STAB2: variants seen among roughly 807,000 people sequenced by gnomAD.
STAB2 encodes stabilin 2.
A neutral mutation model predicts 338.1 loss-of-function variants in STAB2; 288 were observed. The ratio of observed to expected loss-of-function variants is 0.85; its 90% confidence interval spans 0.77 to 0.94. STAB2 has a LOEUF of 0.94. STAB2 is among the 40% of genes least tolerant of loss of function. The probability of loss-of-function intolerance (pLI) is 0.00; values close to 1 mark genes in which losing one functional copy is unlikely to be tolerated. For synonymous variants in STAB2, 1,202 were observed against 1,193.3 expected (o/e 1.01, Z -0.15); for missense variants, 3,141 against 3,210.1 (o/e 0.98, Z 0.52).
rs139947649 is a variant in STAB2 at position 103,688,742 on chromosome 12, C to G, written c.3045+527C>G. Among the ~76,000 whole-genome samples the G allele has an allele frequency of 4.4e-3, 674 of 152,290 alleles. 4 individuals are homozygous for G. The highest frequency in any genetic ancestry group is 4.6e-3 in the Non-Finnish European group (316 of 68,032). On this transcript the variant is annotated intron_variant, in intron 28 of 68. Transcript: ENST00000388887. ...TTCTGTATGGGGCCTCTCTGAACCC[C>G]CCATCCCAGCATAGGTGAAAGAAGA...
At position 103,620,542 on chromosome 12, in the gene STAB2, T is replaced by C. The variant is rs1347250890; in HGVS notation, c.406T>C (p.Cys136Arg). The C allele has an allele frequency of 6.4e-7, 1 of 1,567,168 alleles. No individual in the cohort carries two copies. The highest frequency in any genetic ancestry group is 1.4e-5 in the African/African-American group (1 of 73,780). Residue 136 changes from cysteine (C) to arginine (R), a missense_variant, in exon 4 of 69, where the codon TGC becomes CGC. Cys to Arg is a radical substitution (Grantham distance 180). Coordinates refer to ENST00000388887, the MANE Select transcript of STAB2 (RefSeq NM_017564.10). ...TGAAGGCATGGAAGGAAATGGAACC[T>C]GCTCCTGCCAAGTAAGTTCAAAAAT... ...CAEGMEGNGT[C>R]SCQEGFGGTA...
intron 3 of STAB2, among the ~76,000 whole-genome samples, chr12:103,613,264 G>A (rs1372295375): frequency 6.6e-6 from 1 of 152,300 alleles, no homozygotes; most frequent in South Asian, 2.1e-4. Context: ...CCTTTTGTTT[G>A]GCTATGCCCT....
chr12:103,654,593 G>C lies in STAB2; in HGVS notation c.1446G>C (p.Lys482Asn). 6.2e-7 allele frequency: 1 copy of C among 1,614,148 alleles called. No individual in the cohort carries two copies. Among genetic ancestry groups the C allele is most frequent in the Non-Finnish European group, 8.5e-7 (1 of 1,180,000 alleles). ...QIKLKLHGGK[K>N]KVKIIQGDII... ...AGCTTAAACTCCATGGAGGCAAAAAGAAGGTAAAAATTATACAAGGGGACA... is the reference window on the plus strand; with the variant it reads ...AGCTTAAACTCCATGGAGGCAAAAACAAGGTAAAAATTATACAAGGGGACA... The change falls in exon 13 of 69, where the codon AAG (lysine) becomes AAC (asparagine). Residue 482 changes from lysine (K) to asparagine (N), a missense_variant. Transcript: ENST00000388887.
intron 61 of STAB2, among the ~76,000 whole-genome samples, chr12:103,754,094 G>T (rs1357056554): frequency 2.6e-5 from 4 of 152,062 alleles, no homozygotes; most frequent in Non-Finnish European, 5.9e-5. Flanking sequence ...TGATTTTAAA[G>T]CCCCTTCTCC....
intron 44 of STAB2, among the ~76,000 whole-genome samples, chr12:103,721,802 G>GA (rs2139042527): frequency 6.6e-6 from 1 of 152,306 alleles, no homozygotes; most frequent in African/African-American, 2.4e-5. Flanking sequence ...CCAGCTTGGA[G>GA]AGAGAGGGAG....
chr12:103,765,343 C>G (rs1426972831), intron 68 of STAB2, among the ~76,000 whole-genome samples: 2 of 152,190 alleles, frequency 1.3e-5, no homozygotes, highest in Non-Finnish European at 2.9e-5. Flanking sequence ...ACTATTCAGA[C>G]TACATGGCAA....
Position 103,673,962 on chromosome 12 carries a change from C to T in STAB2, c.2427C>T (p.Cys809=), listed in dbSNP as rs770523004. The change falls in exon 23 of 69, where the codon TGC becomes TGT. Residue 809 remains cysteine, a synonymous_variant. Coordinates refer to ENST00000388887, the MANE Select transcript of STAB2 (RefSeq NM_017564.10). Reference sequence around the variant, plus strand: ...ACAGGATAGACAGCGATGGGGCCTGCCTCACTGGCACATGCAGAGACGGCT... The same window carrying T: ...ACAGGATAGACAGCGATGGGGCCTGTCTCACTGGCACATGCAGAGACGGCT... ...CNNRIDSDGA[C]LTGTCRDGSA... is the part of the protein sequence containing the mutation. 6.2e-7 allele frequency: 1 copy of T among 1,614,078 alleles called. No individual in the cohort carries two copies. The highest frequency in any genetic ancestry group is 1.3e-5 in the African/African-American group (1 of 75,050).
At chr12:103,690,068 T>A in intron 29 of STAB2, 86 bp downstream of exon 29, 1 of 1,523,852 alleles carries the variant, frequency 6.6e-7, no homozygotes. Flanking sequence ...GAAAACCACA[T>A]GGTCCTTCAA....
chr12:103,722,090 C>T (rs774829640), intron 44 of STAB2, among the ~76,000 whole-genome samples: 24 of 152,060 alleles, frequency 1.6e-4, no homozygotes, highest in Non-Finnish European at 3.2e-4. Flanking sequence ...GACAGAGGTA[C>T]AAACATAGCG....
At chr12:103,617,084 C>T (rs1052322268) in intron 3 of STAB2, among the ~76,000 whole-genome samples, 1 of 152,166 alleles carries the variant, frequency 6.6e-6, no homozygotes, top group African/African-American at 2.4e-5. Flanking sequence ...ACCAACTGGG[C>T]CATTCAGAAC....
chr12:103,635,267 C>T (rs575463861), intron 6 of STAB2, among the ~76,000 whole-genome samples: 1 of 152,150 alleles, frequency 6.6e-6, no homozygotes, highest in Non-Finnish European at 1.5e-5. Context: ...TTTGCCTGCT[C>T]GTGATAATGG....
chr12:103,701,034 T>C (rs1000962310), intron 34 of STAB2, among the ~76,000 whole-genome samples: 6 of 138,794 alleles, frequency 4.3e-5, no homozygotes. Context: ...CCCCAGAGTG[T>C]GATGTTCCCC....
chr12:103,709,048 G>GA (rs1879613661), intron 39 of STAB2, among the ~76,000 whole-genome samples: 1 of 152,164 alleles, frequency 6.6e-6, no homozygotes, highest in Non-Finnish European at 1.5e-5. Flanking sequence ...CACTCTGGGG[G>GA]AAAGGTCTTG....
At chr12:103,666,207 G>C in intron 18 of STAB2, 84 bp from the exon 19 acceptor site, 1 of 1,351,322 alleles carries the variant, frequency 7.4e-7, no homozygotes, top group Non-Finnish European at 1.1e-6. Context: ...TCACAGGGAG[G>C]GAAGCATGAA....
intron 6 of STAB2, 133 bp from the exon 7 acceptor site, chr12:103,636,978 A>T (rs2138683095): frequency 1.0e-6 from 1 of 957,764 alleles, no homozygotes; most frequent in East Asian, 3.1e-5. Flanking sequence ...ATTTTAACTT[A>T]ACGTGTTCTG....
intron 15 of STAB2, 66 bp downstream of exon 15, chr12:103,655,647 G>C (rs1874126798): frequency 6.3e-7 from 1 of 1,579,548 alleles, no homozygotes; most frequent in Non-Finnish European, 8.6e-7. Context: ...TGTCTAAACA[G>C]GTTTTTCCTA....
chr12:103,752,211 T>C (rs574681692), intron 60 of STAB2, among the ~76,000 whole-genome samples: 170 of 152,284 alleles, frequency 1.1e-3, no homozygotes, highest in African/African-American at 3.5e-3. Context: ...TAGTAAATGA[T>C]GATAAAATAT....
At chr12:103,732,946 C>A in intron 50 of STAB2, 60 bp from the exon 51 acceptor site, 1 of 1,575,886 alleles carries the variant, frequency 6.3e-7, no homozygotes, top group Non-Finnish European at 8.6e-7. Flanking sequence ...GAGACAGAAC[C>A]CCTGCCCACA....
intron 9 of STAB2, among the ~76,000 whole-genome samples, chr12:103,642,419 T>C (rs1872990633): frequency 6.6e-6 from 1 of 152,164 alleles, no homozygotes; most frequent in Admixed American, 6.5e-5. Context: ...AACAGTGAAG[T>C]GTAGGGACTC....
Sources: allele counts gnomAD v4.1 joint callset (sites outside exome capture counted in the v4.1 genomes callset), GRCh38; gene constraint gnomAD v4.1.1; transcripts MANE v1.5; gene names NCBI Gene and HGNC (gene_info 2026-07-23, HGNC 2026-07-21).